The following CELF2 variants were observed in gnomAD, a reference collection of about 807,000 sequenced individuals.
CELF2 encodes CUGBP Elav-like family member 2.
In CELF2, 8 loss-of-function variants were observed where a neutral mutation model predicts 62.6. That is an observed-to-expected ratio of 0.13 (90% CI 0.07 to 0.23). CELF2 has a LOEUF of 0.23. Ranked by LOEUF, CELF2 falls within the 10% of genes least tolerant of loss-of-function variation. The probability of loss-of-function intolerance (pLI) is 1.00; values close to 1 mark genes in which losing one functional copy is unlikely to be tolerated. For missense variants in CELF2, 333 were observed against 671.0 expected, an observed-to-expected ratio of 0.50 and a Z score of 5.56; for synonymous variants, 258 against 250.0, an observed-to-expected ratio of 1.03 and a Z score of -0.30.
intron 3 of CELF2, among the ~76,000 whole-genome samples, chr10:11,236,938 C>T (rs1371408559): frequency 6.6e-6 from 1 of 152,096 alleles, no homozygotes; most frequent in East Asian, 1.9e-4. Flanking sequence ...GAAAAGAGAG[C>T]TGAGGGTCAA....
intron 7 of CELF2, among the ~76,000 whole-genome samples, chr10:11,271,717 C>T (rs113610923): frequency 6.6e-6 from 1 of 150,864 alleles, no homozygotes; most frequent in Non-Finnish European, 1.5e-5. Context: ...GAGGGTGTCT[C>T]TGTGTGTGTG....
rs138808577 is a variant in CELF2 at position 11,270,958 on chromosome 10, C to T, written c.777+134C>T. The stretch of plus-strand genomic sequence containing the variant: ...GGAATTATTGAAATCAGCATTTATG[C>T]AGGATATTTTTCCAAGTTAGATTGA... On this transcript the variant is annotated intron_variant, in intron 7 of 12. Transcript: ENST00000633077. The surrounding 1 kb of genome is among the most constrained non-coding windows in gnomAD (Gnocchi z 5.8). The T allele has an allele frequency of 2.0e-3, 1,751 of 878,656 alleles. 17 individuals are homozygous for T. In the African/African-American group the frequency reaches 0.028, roughly 14 times the overall value. The allele number at this position is 878,656 out of a possible 1,614,324, so 54.4% of individuals were successfully genotyped here.
intron 5 of CELF2, among the ~76,000 whole-genome samples, chr10:11,263,035 G>A (rs2081190466): frequency 7.1e-6 from 1 of 140,876 alleles, no homozygotes; most frequent in South Asian, 2.3e-4. Context: ...GAACACCTGA[G>A]TTAAGATATC....
chr10:10,912,652 G>A (rs1178285182), intron 1 of CELF2, among the ~76,000 whole-genome samples: 1 of 152,190 alleles, frequency 6.6e-6, no homozygotes, highest in African/African-American at 2.4e-5. Flanking sequence ...ACAGGCGTGT[G>A]CCAGTGCGCC....
intron 1 of CELF2, among the ~76,000 whole-genome samples, chr10:11,108,601 C>T (rs889594906): frequency 6.6e-6 from 1 of 152,130 alleles, no homozygotes; most frequent in African/African-American, 2.4e-5. Context: ...TCTGAGGCTG[C>T]AGGGCGCAAG....
chr10:10,778,940 A>G, the CELF2 span, among the ~76,000 whole-genome samples: 1 of 152,174 alleles, frequency 6.6e-6, no homozygotes, highest in Non-Finnish European at 1.5e-5. Context: ...CTTGACACCC[A>G]TTTGGATCCC....
At chr10:10,737,541 G>A in the CELF2 span, among the ~76,000 whole-genome samples, 3 of 152,008 alleles carry the variant, frequency 2.0e-5, no homozygotes, top group Non-Finnish European at 2.9e-5. Flanking sequence ...TGGACAGCAC[G>A]CAAGATGGAA....
intron 8 of CELF2, among the ~76,000 whole-genome samples, chr10:11,276,272 G>A (rs1271438699): frequency 6.6e-6 from 1 of 152,170 alleles, no homozygotes; most frequent in East Asian, 1.9e-4. Flanking sequence ...TCAGCTGATG[G>A]TCTTCCTTGG....
At chr10:10,553,040 G>T in the CELF2 span, among the ~76,000 whole-genome samples, 19,261 of 152,116 alleles carry the variant, frequency 0.13, 1,344 homozygotes, top group South Asian at 0.19. Context: ...TTCTCATGCT[G>T]CTAATAAAGA....
intron 1 of CELF2, among the ~76,000 whole-genome samples, chr10:11,007,558 A>T (rs2055511203): frequency 6.6e-6 from 1 of 152,232 alleles, no homozygotes; most frequent in South Asian, 2.1e-4. Context: ...AGTGAATTTT[A>T]AATGCATGCC....
At chr10:10,730,352 C>G in the CELF2 span, among the ~76,000 whole-genome samples, 3 of 152,140 alleles carry the variant, frequency 2.0e-5, no homozygotes, top group African/African-American at 7.2e-5. Flanking sequence ...TGATGCATGC[C>G]TGTAATCCCA....
chr10:10,635,910 TC>T, the CELF2 span, among the ~76,000 whole-genome samples: 21 of 152,218 alleles, frequency 1.4e-4, no homozygotes, highest in Non-Finnish European at 2.8e-4. Flanking sequence ...TACTGACAAC[TC>T]ATGTTTTCTA....
At chr10:10,584,787 C>G in the CELF2 span, among the ~76,000 whole-genome samples, 1 of 152,224 alleles carries the variant, frequency 6.6e-6, no homozygotes, top group South Asian at 2.1e-4. Context: ...AGTAGCCACA[C>G]GAAAGTCACA....
chr10:10,487,091 A>T, the CELF2 span, among the ~76,000 whole-genome samples: 3 of 152,204 alleles, frequency 2.0e-5, no homozygotes, highest in Non-Finnish European at 4.4e-5. Context: ...GACATGTTTC[A>T]GAATAGACAT....
the CELF2 span, among the ~76,000 whole-genome samples, chr10:10,632,440 C>T: frequency 1.3e-5 from 2 of 152,108 alleles, no homozygotes; most frequent in African/African-American, 2.4e-5. Context: ...AACAGACACA[C>T]GCACACACAC....
intron 3 of CELF2, among the ~76,000 whole-genome samples, chr10:11,248,862 T>C (rs553642035): frequency 1.7e-3 from 253 of 152,308 alleles, no homozygotes; most frequent in Middle Eastern, 3.4e-3. Context: ...GCCTGTAACA[T>C]AGAGGCAGAA....
At chr10:10,630,420 A>G in the CELF2 span, among the ~76,000 whole-genome samples, 1 of 152,164 alleles carries the variant, frequency 6.6e-6, no homozygotes, top group African/African-American at 2.4e-5. Flanking sequence ...TACACCCACC[A>G]TCTGGATCAG....
chr10:10,852,546 A>G (rs2059448646), intron 1 of CELF2, among the ~76,000 whole-genome samples: 2 of 152,178 alleles, frequency 1.3e-5, no homozygotes, highest in African/African-American at 2.4e-5. Context: ...TAGATACACA[A>G]TCCTACACGT....
intron 2 of CELF2, among the ~76,000 whole-genome samples, chr10:11,198,702 G>C (rs919896885): frequency 1.3e-5 from 2 of 152,208 alleles, no homozygotes; most frequent in Non-Finnish European, 2.9e-5. Flanking sequence ...ACCCAGAAGG[G>C]CATGGTCAAG....
Sources: allele counts gnomAD v4.1 joint callset (sites outside exome capture counted in the v4.1 genomes callset), GRCh38; gene constraint gnomAD v4.1.1; non-coding constraint Gnocchi (gnomAD v3.1); transcripts MANE v1.5; gene names NCBI Gene and HGNC (gene_info 2026-07-23, HGNC 2026-07-21).